The following ATP9A variants were observed in gnomAD, a reference collection of about 807,000 sequenced individuals.
ATP9A encodes ATPase phospholipid transporting 9A, also known as probable phospholipid-transporting ATPase IIA.
Under a neutral mutation model 144.1 loss-of-function variants are expected in ATP9A, and 52 were observed. That is an observed-to-expected ratio of 0.36 (90% CI 0.29 to 0.45). The LOEUF (loss-of-function observed/expected upper bound fraction) is 0.45. Among genes scored for constraint, ATP9A ranks in the 20% least tolerant of loss-of-function variants. The probability of loss-of-function intolerance (pLI) is 1.00; values close to 1 mark genes in which losing one functional copy is unlikely to be tolerated. For synonymous variants in ATP9A, 582 were observed against 557.4 expected (o/e 1.04, Z -0.62); for missense variants, 947 against 1,392.7 (o/e 0.68, Z 5.09).
At chr20:51,609,278 G>A (rs370778050) in intron 24 of ATP9A, among the ~76,000 whole-genome samples, 53 of 152,220 alleles carry the variant, frequency 3.5e-4, no homozygotes, top group African/African-American at 1.3e-3. Flanking sequence ...AGAACCCGAC[G>A]AAAGACAGCC....
intron 14 of ATP9A, among the ~76,000 whole-genome samples, chr20:51,641,280 A>G (rs1225355779): frequency 6.6e-6 from 1 of 151,770 alleles, no homozygotes; most frequent in African/African-American, 2.4e-5. Context: ...AATCTCTTAA[A>G]CCTGGAAGGT....
At chr20:51,694,894 T>C (rs2077564046) in intron 6 of ATP9A, among the ~76,000 whole-genome samples, 1 of 152,166 alleles carries the variant, frequency 6.6e-6, no homozygotes, top group African/African-American at 2.4e-5. Context: ...AAAGAGCATG[T>C]CAGGGGCCCT....
chr20:51,670,105 A>G lies in ATP9A; in HGVS notation c.1185T>C (p.Thr395=). The G allele has an allele frequency of 6.2e-7, 1 of 1,613,574 alleles. No homozygotes were observed. The highest frequency in any genetic ancestry group is 1.1e-5 in the South Asian group (1 of 91,070). Residue 395 remains threonine (T), a synonymous_variant, in exon 13 of 28, where the codon ACT becomes ACC. Coordinates refer to ENST00000338821, the MANE Select transcript of ATP9A (RefSeq NM_006045.3). ...TGAAAATCATCTCGTTCTGGGTAAG[A>G]GTGCCTAAAACACAAGACAAATGAG... ...ISYLLTDKTG[T]LTQNEMIFKR... is the part of the protein sequence containing the mutation.
intron 13 of ATP9A, among the ~76,000 whole-genome samples, chr20:51,659,388 C>T (rs988736744): frequency 2.0e-5 from 3 of 152,196 alleles, no homozygotes; most frequent in Non-Finnish European, 4.4e-5. Flanking sequence ...TGGTATGTAA[C>T]AGATATTTGC....
At chr20:51,735,499 G>A (rs1288824568) in intron 1 of ATP9A, among the ~76,000 whole-genome samples, 1 of 152,150 alleles carries the variant, frequency 6.6e-6, no homozygotes, top group Admixed American at 6.5e-5. Context: ...AAATTCATAA[G>A]AGTAAGCATT....
chr20:51,767,155 G>C (rs914529378), intron 1 of ATP9A, among the ~76,000 whole-genome samples: 1 of 150,022 alleles, frequency 6.7e-6, no homozygotes, highest in Non-Finnish European at 1.5e-5. Context: ...CTCCTGTTCC[G>C]AGCAACTGAC....
At chr20:51,658,748 G>A (rs1259266928) in intron 13 of ATP9A, among the ~76,000 whole-genome samples, 22 of 151,776 alleles carry the variant, frequency 1.4e-4, no homozygotes, top group Admixed American at 1.4e-3. Flanking sequence ...TCGAACTCCT[G>A]ACCTCAAGCG....
chr20:51,737,339 T>C (rs1359763503), intron 1 of ATP9A, among the ~76,000 whole-genome samples: 1 of 152,204 alleles, frequency 6.6e-6, no homozygotes, highest in African/African-American at 2.4e-5. Flanking sequence ...GAGCCACTTA[T>C]CAATTTACTC....
intron 3 of ATP9A, among the ~76,000 whole-genome samples, chr20:51,720,405 G>T (rs978737434): frequency 2.0e-5 from 3 of 152,186 alleles, no homozygotes; most frequent in Admixed American, 6.5e-5. Flanking sequence ...TATAGAGTTT[G>T]TAACTCTTGG....
intron 22 of ATP9A, 43 bp downstream of exon 22, chr20:51,617,446 AG>A: frequency 6.3e-7 from 1 of 1,577,166 alleles, no homozygotes; most frequent in South Asian, 1.2e-5. Context: ...AAAAGAACCA[AG>A]AAACTACAGC....
At chr20:51,696,691 G>T (rs1171290790) in intron 5 of ATP9A, among the ~76,000 whole-genome samples, 4 of 152,160 alleles carry the variant, frequency 2.6e-5, no homozygotes, top group Non-Finnish European at 5.9e-5. Context: ...GGGGTTGTGT[G>T]GTTCTTCTGA....
At chr20:51,601,396 A>G (rs1414499513) in intron 27 of ATP9A, 49 bp from the exon 28 acceptor site, 3 of 1,551,668 alleles carry the variant, frequency 1.9e-6, no homozygotes, top group Non-Finnish European at 2.6e-6. Flanking sequence ...ATATTCCGGA[A>G]GGTGCATGGG....
intron 4 of ATP9A, among the ~76,000 whole-genome samples, chr20:51,702,390 G>GTGTA (rs536281320): frequency 2.6e-5 from 4 of 151,632 alleles, no homozygotes; most frequent in African/African-American, 9.7e-5. Flanking sequence ...GTGTGTGTGT[G>GTGTA]TGTGTGTGTG....
chr20:51,706,282 T>G (rs1185734148), intron 4 of ATP9A, among the ~76,000 whole-genome samples: 2 of 152,248 alleles, frequency 1.3e-5, no homozygotes, highest in Non-Finnish European at 2.9e-5. Flanking sequence ...AGGTTTTACA[T>G]GCAAACAAGC....
At chr20:51,713,322 A>G (rs2122851379) in intron 3 of ATP9A, among the ~76,000 whole-genome samples, 1 of 152,272 alleles carries the variant, frequency 6.6e-6, no homozygotes, top group East Asian at 1.9e-4. Flanking sequence ...TGCCACACAC[A>G]CACAAGCACG....
chr20:51,700,973 T>G (rs190360126), intron 4 of ATP9A, among the ~76,000 whole-genome samples: 1 of 151,896 alleles, frequency 6.6e-6, no homozygotes, highest in East Asian at 2.0e-4. Context: ...GACCTGTCGT[T>G]TTTCTGGGAG....
Position 51,601,078 on chromosome 20 carries a change from G to A in ATP9A, c.*133C>T. On this transcript the variant is annotated 3_prime_UTR_variant, in exon 28 of 28. Coordinates refer to ENST00000338821, the MANE Select transcript of ATP9A (RefSeq NM_006045.3). Reference sequence around the variant, plus strand: ...CGTTAGGACTCCGTTTAGGCGCAGAGCCACTTCCCATTAAAACTGCATGTG... The same window carrying A: ...CGTTAGGACTCCGTTTAGGCGCAGAACCACTTCCCATTAAAACTGCATGTG... The A allele has an allele frequency of 1.7e-6, 2 of 1,156,438 alleles. No homozygotes were observed. Among genetic ancestry groups the A allele is most frequent in the Non-Finnish European group, 2.4e-6 (2 of 846,376 alleles). 71.6% of individuals were successfully genotyped at this position (1,156,438 alleles called of 1,614,324 possible). A position where few individuals can be genotyped will look rare whatever the true frequency, so the allele number is the denominator to read the frequency against.
At chr20:51,756,202 A>C (rs1210977897) in intron 1 of ATP9A, among the ~76,000 whole-genome samples, 1 of 151,970 alleles carries the variant, frequency 6.6e-6, no homozygotes, top group Non-Finnish European at 1.5e-5. Flanking sequence ...GTTTCTCCTG[A>C]GGCCTCTCTC....
chr20:51,665,132 A>G (rs115791785), intron 13 of ATP9A, among the ~76,000 whole-genome samples: 176 of 152,240 alleles, frequency 1.2e-3, no homozygotes, highest in African/African-American at 4.1e-3. Context: ...ACTCTGCTAA[A>G]CGGAAGACCG....
Sources: gnomAD v4.1 joint callset for allele counts (sites outside exome capture counted in the v4.1 genomes callset) on GRCh38, gnomAD v4.1.1 for gene constraint, MANE v1.5 for transcripts, NCBI Gene and HGNC (gene_info 2026-07-23, HGNC 2026-07-21) for gene names.